The following SEPTIN4 variants were observed in gnomAD, a reference collection of about 807,000 sequenced individuals.
The protein encoded by SEPTIN4 is septin 4, also known as septin-4.
SEPTIN4 carries 52 observed loss-of-function variants against 107.1 expected under a neutral mutation model. That is an observed-to-expected ratio of 0.49 (90% CI 0.39 to 0.61). SEPTIN4 has a LOEUF of 0.61. Ranked by LOEUF, SEPTIN4 falls within the 20% of genes least tolerant of loss-of-function variation. The pLI is 0.00. For missense variants in SEPTIN4, 1,048 were observed against 1,243.5 expected (o/e 0.84, Z 2.36); for synonymous variants, 417 against 467.0 (o/e 0.89, Z 1.38).
chr17:58,531,985 G>C (rs2043513082), intron 3 of SEPTIN4: 1 of 1,144,138 alleles, frequency 8.7e-7, no homozygotes, highest in Non-Finnish European at 1.1e-6. Flanking sequence ...GGGCGGGGCC[G>C]GCTCCGCCTG....
At chr17:58,527,156 C>T (rs763642830) in intron 3 of SEPTIN4, 178 bp from the exon 4 acceptor site, 9 of 1,088,342 alleles carry the variant, frequency 8.3e-6, no homozygotes, top group Non-Finnish European at 1.3e-5. Context: ...CCTCCCTCAC[C>T]TGCTCACAAG....
rs1260869180 is a variant in SEPTIN4 at position 58,543,580 on chromosome 17, G to T, written c.607C>A (p.Gln203Lys). Residue 203 changes from glutamine (Q) to lysine (K), a missense_variant, in exon 1 of 14, where the codon CAA becomes AAA. Physicochemically the swap from Gln to Lys is moderately conservative, Grantham distance 53 (BLOSUM62 1). This residue lies in a region of SEPTIN4 where 787 missense variants were observed against 871.8 expected (regional missense o/e 0.90). Transcript: ENST00000672673. Reference protein sequence around the residue: ...ILSYPKDEAVQTEPIQRITTT... With the variant: ...ILSYPKDEAVKTEPIQRITTT... ...GTAATTCTTTGGATGGGCTCAGTTTGTACTGCTTCATCCTTTGGGTAAGAC... is the reference window on the plus strand; with the variant it reads ...GTAATTCTTTGGATGGGCTCAGTTTTTACTGCTTCATCCTTTGGGTAAGAC... 1.2e-6 allele frequency: 2 copies of T among 1,614,150 alleles called. No homozygotes were observed.
At chr17:58,541,881 C>T in intron 2 of SEPTIN4, 41 bp downstream of exon 2, 1 of 1,614,164 alleles carries the variant, frequency 6.2e-7, no homozygotes, top group South Asian at 1.1e-5. Flanking sequence ...TCCCATCCCC[C>T]AAGCTCCCAC....
rs1437425897 is a variant in SEPTIN4 at position 58,522,051 on chromosome 17, CG to C, written c.2266del (p.Arg756GlufsTer6). ...CTTTCGGTTCAGGCCACTCTCGTCT[CG>C]GAAATACTGCTCAAACTGCTGATCA... Reference protein sequence around the residue: ...YIDQQFEQYFRDESGLNRKNI... With the variant: ...YIDQQFEQYFXDESGLNRKNI... On this transcript the variant is annotated frameshift_variant, in exon 8 of 14. Transcript: ENST00000672673. LOFTEE classifies it high-confidence loss of function. 10 of 1,614,214 alleles carry C rather than the reference CG, an allele frequency of 6.2e-6. No homozygotes were observed. In the South Asian group the frequency reaches 1.1e-4, roughly 18 times the overall value.
rs775589929 is a variant in SEPTIN4, at chr17:58,521,026, G to A, written c.2803C>T (p.Arg935Cys). ...CGATTCCGTTCCTTCACCACCAGGC[G>A]GGTCATGCTCTGGATGCACTGTGCC... is the stretch of plus-strand genomic sequence containing the variant. ...YRAQCIQSMT[R>C]LVVKERNRNK... is the part of the protein sequence containing the mutation. Residue 935 changes from arginine to cysteine, a missense_variant, in exon 12 of 14, where the codon CGC (arginine) becomes TGC (cysteine). Coordinates refer to ENST00000672673, the MANE Select transcript of SEPTIN4 (RefSeq NM_001368771.2). This position sits in a 1 kb window ranked among gnomAD's most constrained non-coding sequence, Gnocchi z 6.4. 1.9e-5 allele frequency: 31 copies of A among 1,614,026 alleles called. No individual in the cohort carries two copies. Among genetic ancestry groups the A allele is most frequent in the African/African-American group, 1.6e-4 (12 of 74,904 alleles).
chr17:58,543,964 A>C lies in SEPTIN4; in HGVS notation c.223T>G (p.Ser75Ala). ...GGTACTGCATAGTGTCCAGGTCCTG[A>C]CTGGAGGGAGACAGATCGAGGGTAG... is the stretch of plus-strand genomic sequence containing the variant. ...SDYPRSVSLQ[S>A]GPGHYAVPTP... Residue 75 changes from serine (S) to alanine (A), a missense_variant, in exon 1 of 14, where the codon TCA becomes GCA. This residue lies in a region of SEPTIN4 where 787 missense variants were observed against 871.8 expected (regional missense o/e 0.90). Transcript: ENST00000672673. The C allele has an allele frequency of 6.2e-7, 1 of 1,613,836 alleles. No individual in the cohort carries two copies. Among genetic ancestry groups the C allele is most frequent in the Non-Finnish European group, 8.5e-7 (1 of 1,179,866 alleles).
At position 58,521,486 on chromosome 17, in the gene SEPTIN4, C is replaced by T. The variant is rs1329552254; in HGVS notation, c.2571+59G>A. The T allele has an allele frequency of 6.3e-7, 1 of 1,590,972 alleles. No individual in the cohort carries two copies. Among genetic ancestry groups the T allele is most frequent in the African/African-American group, 1.3e-5 (1 of 74,404 alleles). ...CTGATAGCCTGAATATAGAATTCTA[C>T]TCCCTTTTTCTACCCGGAAGAAATA... On this transcript the variant is annotated intron_variant, in intron 10 of 13. Coordinates refer to ENST00000672673, the MANE Select transcript of SEPTIN4 (RefSeq NM_001368771.2). This position sits in a 1 kb window ranked among gnomAD's most constrained non-coding sequence, Gnocchi z 6.4.
At chr17:58,530,859 G>C (rs1263507617) in intron 3 of SEPTIN4, 1 of 152,388 alleles carries the variant, frequency 6.6e-6, no homozygotes, top group Non-Finnish European at 1.5e-5. Context: ...CCTCTGCCTG[G>C]ACACAGCTTG....
intron 7 of SEPTIN4, among the ~76,000 whole-genome samples, chr17:58,523,203 T>A (rs1480792286): frequency 2.6e-5 from 4 of 151,758 alleles, no homozygotes; most frequent in Non-Finnish European, 5.9e-5. Context: ...GAGACCCCCA[T>A]CTCTACAAAA....
At chr17:58,520,946 G>A (rs375973279) in intron 12 of SEPTIN4, 52 bp downstream of exon 12, 19 of 1,612,172 alleles carry the variant, frequency 1.2e-5, no homozygotes, top group Non-Finnish European at 1.6e-5. Flanking sequence ...TCTCACCCAA[G>A]GCTAGGCTTG....
At chr17:58,527,379 C>G (rs1395049310) in intron 3 of SEPTIN4, 3 of 371,928 alleles carry the variant, frequency 8.1e-6, no homozygotes, top group African/African-American at 4.2e-5. Flanking sequence ...TAAGATAGAG[C>G]AGACAGAGGC....
intron 3 of SEPTIN4, among the ~76,000 whole-genome samples, chr17:58,532,520 G>A (rs747460560): frequency 5.3e-5 from 8 of 152,292 alleles, no homozygotes; most frequent in Non-Finnish European, 8.8e-5. Context: ...CTCCTAAAGG[G>A]GAATGTCAGA....
intron 3 of SEPTIN4, among the ~76,000 whole-genome samples, chr17:58,535,449 A>C (rs935688099): frequency 5.9e-5 from 9 of 152,234 alleles, no homozygotes; most frequent in African/African-American, 2.2e-4. Context: ...AGATGTCTGA[A>C]GGCTCCCCTG....
rs148239346 is a variant in SEPTIN4 at position 58,521,760 on chromosome 17, G to C, written c.2445C>G (p.Pro815=). 5 of 1,614,204 alleles carry C rather than the reference G, an allele frequency of 3.1e-6. No homozygotes were observed. Among genetic ancestry groups the C allele is most frequent in the Admixed American group, 1.7e-5 (1 of 60,026 alleles). ...ILAKADTLTP[P]EVDHKKRKIR... Reference sequence around the variant, plus strand: ...CTTTGCGTTTCTTGTGGTCCACTTCGGGAGGTGTCAGTGTGTCTGCCTTAG... The same window carrying C: ...CTTTGCGTTTCTTGTGGTCCACTTCCGGAGGTGTCAGTGTGTCTGCCTTAG... The change falls in exon 9 of 14, where the codon CCC becomes CCG. Residue 815 remains proline (P), a synonymous_variant. Coordinates refer to ENST00000672673, the MANE Select transcript of SEPTIN4 (RefSeq NM_001368771.2). This position sits in a 1 kb window ranked among gnomAD's most constrained non-coding sequence, Gnocchi z 6.4.
At chr17:58,529,217 T>A in intron 3 of SEPTIN4, 2 of 1,614,178 alleles carry the variant, frequency 1.2e-6, no homozygotes, top group Non-Finnish European at 1.7e-6. Context: ...CTAGGTCTAA[T>A]TTTATCTCCC....
chr17:58,540,605 G>T (rs762046794), intron 3 of SEPTIN4, 61 bp downstream of exon 3: 29 of 1,275,236 alleles, frequency 2.3e-5, no homozygotes, highest in Non-Finnish European at 2.8e-5. Flanking sequence ...GACAGGAGAT[G>T]GATTTGGATT....
intron 3 of SEPTIN4, chr17:58,531,438 GC>G (rs2043454035): frequency 6.6e-6 from 1 of 152,388 alleles, no homozygotes; most frequent in African/African-American, 2.4e-5. Context: ...GCCAGGGACT[GC>G]CCCTTGTCAG....
rs1555654610 is a variant in SEPTIN4 at position 58,526,581 on chromosome 17, C to CACAA, written c.1911+100_1911+101insTTGT. On this transcript the variant is annotated intron_variant, in intron 4 of 13. Transcript: ENST00000672673. ...AGATACACACACACACAAACACACACACACACACACACACACACACACACA... is the reference window on the plus strand; with the variant it reads ...AGATACACACACACACAAACACACACACAAACACACACACACACACACACACACA... 4 of 1,412,328 alleles carry CACAA rather than the reference C, an allele frequency of 2.8e-6. No individual in the cohort carries two copies. In the East Asian group the frequency reaches 1.0e-4, roughly 36 times the overall value. The allele number at this position is 1,412,328 out of a possible 1,614,324, so 87.5% of individuals were successfully genotyped here.
intron 3 of SEPTIN4, chr17:58,527,388 G>A (rs935627605): frequency 5.2e-5 from 19 of 365,636 alleles, no homozygotes; most frequent in African/African-American, 4.0e-4. Context: ...GCAGACAGAG[G>A]CATTAAACCC....
Sources: allele counts gnomAD v4.1 joint callset (sites outside exome capture counted in the v4.1 genomes callset), GRCh38; gene constraint gnomAD v4.1.1; regional missense constraint gnomAD v4.1.1; non-coding constraint Gnocchi (gnomAD v3.1); transcripts MANE v1.5; gene names NCBI Gene and HGNC (gene_info 2026-07-23, HGNC 2026-07-21).